Variants in HTR4 observed in about 807,000 individuals in gnomAD.
HTR4 encodes the protein 5-hydroxytryptamine receptor 4.
A neutral mutation model predicts 36.8 loss-of-function variants in HTR4; 16 were observed. The ratio of observed to expected loss-of-function variants is 0.43; its 90% CI spans 0.29 to 0.66. The LOEUF (loss-of-function observed/expected upper bound fraction) is 0.66. Ranked by LOEUF, HTR4 falls within the 30% of genes least tolerant of loss-of-function variation. HTR4 has a pLI of 0.13. For synonymous variants in HTR4, 189 were observed against 185.1 expected, an observed-to-expected ratio of 1.02 and a Z score of -0.17; for missense variants, 438 against 490.9, an observed-to-expected ratio of 0.89 and a Z score of 1.02.
chr5:148,557,428 A>C (rs1220357555), intron 2 of HTR4, among the ~76,000 whole-genome samples: 1 of 152,214 alleles, frequency 6.6e-6, no homozygotes, highest in African/African-American at 2.4e-5. Flanking sequence ...AAACACATTA[A>C]GTGTGAGATA....
Position 148,481,599 on chromosome 5 carries a change from A to C in HTR4, c.*1604T>G, listed in dbSNP as rs201254223. The stretch of plus-strand genomic sequence containing the variant: ...GGTCAATCTTCTCTTCCTTATTCCA[A>C]AGTTTCTTCCTGTCGGTTTCAGTTC... On this transcript the variant is annotated 3_prime_UTR_variant, in exon 7 of 7. Coordinates refer to ENST00000377888, the MANE Select transcript of HTR4 (RefSeq NM_000870.7). The C allele has an allele frequency of 1.3e-6, 2 of 1,515,816 alleles. No individual in the cohort carries two copies. The highest frequency in any genetic ancestry group is 1.8e-6 in the Non-Finnish European group (2 of 1,142,060). 93.9% of individuals were successfully genotyped at this position (1,515,816 alleles called of 1,614,324 possible).
chr5:148,583,651 T>C (rs202129697), intron 2 of HTR4, among the ~76,000 whole-genome samples: 112 of 127,964 alleles, frequency 8.8e-4, no homozygotes, highest in South Asian at 5.6e-3. Context: ...TCATCATCAT[T>C]ATTATCATCA....
rs1048489528 is a variant in HTR4 at position 148,517,610 on chromosome 5, C to A, written c.507+5583G>T. ...TGGGTCATGTTTGGCTTAGGTTTTC[C>A]TTTCACATTCCTCTTCTAATTTTTC... On this transcript the variant is annotated intron_variant, in intron 5 of 6. Coordinates refer to ENST00000377888, the MANE Select transcript of HTR4 (RefSeq NM_000870.7). Among the ~76,000 whole-genome samples the A allele has an allele frequency of 2.0e-5, 3 of 146,816 alleles. No homozygotes were observed. The South Asian group carries it at 6.5e-4, about 32-fold the overall frequency.
At chr5:148,544,436 T>C (rs1759283202) in intron 4 of HTR4, among the ~76,000 whole-genome samples, 1 of 152,208 alleles carries the variant, frequency 6.6e-6, no homozygotes, top group African/African-American at 2.4e-5. Context: ...AGTTGCTTTT[T>C]TTCCCCCAAC....
chr5:148,641,486 A>G (rs1264197753), intron 1 of HTR4, among the ~76,000 whole-genome samples: 4 of 152,106 alleles, frequency 2.6e-5, no homozygotes, highest in Non-Finnish European at 4.4e-5. Flanking sequence ...AGTTAAGCAA[A>G]CTCTTCTACC....
intron 5 of HTR4, chr5:148,462,084 G>A (rs987975392): frequency 6.6e-6 from 1 of 151,940 alleles, no homozygotes; most frequent in African/African-American, 2.4e-5. Flanking sequence ...TCTAAAATCA[G>A]TGATTTAAGT....
Position 148,609,398 on chromosome 5 carries a change from T to C in HTR4, c.26+27591A>G, listed in dbSNP as rs1168618726. Among the ~76,000 whole-genome samples the C allele has an allele frequency of 2.0e-5, 3 of 152,170 alleles. No individual in the cohort carries two copies. In the South Asian group the frequency reaches 6.2e-4, roughly 31 times the overall value. On this transcript the variant is annotated intron_variant, in intron 2 of 6. Coordinates refer to ENST00000377888, the MANE Select transcript of HTR4 (RefSeq NM_000870.7). ...GGCATTCTTCTTCTAATTCTGGTGA[T>C]CAAGGATATGAATTTTTGAATTTTC...
At chr5:148,605,667 T>C (rs1752132223) in intron 2 of HTR4, among the ~76,000 whole-genome samples, 1 of 152,058 alleles carries the variant, frequency 6.6e-6, no homozygotes, top group African/African-American at 2.4e-5. Flanking sequence ...GGACAAATTA[T>C]CTATGGCCCT....
At chr5:148,604,932 C>T (rs1752085353) in intron 2 of HTR4, among the ~76,000 whole-genome samples, 1 of 152,104 alleles carries the variant, frequency 6.6e-6, no homozygotes, top group Non-Finnish European at 1.5e-5. Context: ...GGTAGGAACA[C>T]AGTGGAGAAG....
Position 148,481,835 on chromosome 5 carries a change from G to T in HTR4, c.*1368C>A. The T allele has an allele frequency of 1.5e-6, 2 of 1,326,492 alleles. No individual in the cohort carries two copies. The highest frequency in any genetic ancestry group is 1.9e-6 in the Non-Finnish European group (2 of 1,044,572). 82.2% of individuals were successfully genotyped at this position (1,326,492 alleles called of 1,614,324 possible). A position where few individuals can be genotyped will look rare whatever the true frequency, so the allele number is the denominator to read the frequency against. On this transcript the variant is annotated 3_prime_UTR_variant, in exon 7 of 7. Transcript: ENST00000377888. ...GCCACTGACTCAGCTTTGAATAAAAGACATCCAGATTAATCTGAAGGACAA... is the reference window on the plus strand; with the variant it reads ...GCCACTGACTCAGCTTTGAATAAAATACATCCAGATTAATCTGAAGGACAA...
chr5:148,632,317 A>C (rs1335206711), intron 2 of HTR4, among the ~76,000 whole-genome samples: 1 of 152,188 alleles, frequency 6.6e-6, no homozygotes, highest in Non-Finnish European at 1.5e-5. Context: ...GCTACCATTT[A>C]TATGATTCAT....
At chr5:148,633,289 T>C (rs1227031308) in intron 2 of HTR4, among the ~76,000 whole-genome samples, 1 of 152,222 alleles carries the variant, frequency 6.6e-6, no homozygotes, top group Non-Finnish European at 1.5e-5. Flanking sequence ...GCTTCTCATA[T>C]TGCTAAAATC....
chr5:148,480,985 T>C (rs569708664), downstream of HTR4, among the ~76,000 whole-genome samples: 2 of 152,234 alleles, frequency 1.3e-5, no homozygotes, highest in Non-Finnish European at 2.9e-5. Flanking sequence ...CTCTGAGGTC[T>C]GAGACATTCA....
chr5:148,513,360 A>G (rs555302292), intron 5 of HTR4, among the ~76,000 whole-genome samples: 81 of 152,304 alleles, frequency 5.3e-4, no homozygotes, highest in African/African-American at 1.9e-3. Context: ...CAAGATATGG[A>G]TATTGAATTG....
intron 2 of HTR4, among the ~76,000 whole-genome samples, chr5:148,588,527 CT>C (rs35749777): frequency 0.3 from 32,968 of 108,282 alleles, 4,221 homozygotes; most frequent in South Asian, 0.35. Context: ...GGTTTTAATT[CT>C]TTTTTTTTTT....
rs556803679 is a variant in HTR4 at position 148,458,126 on chromosome 5, T to A, written c.1077-6854A>T. Among the ~76,000 whole-genome samples, 443 of 136,652 alleles carry A rather than the reference T, an allele frequency of 3.2e-3. 6 individuals carry two copies. Among genetic ancestry groups the A allele is most frequent in the Middle Eastern group, 9.5e-3 (2 of 210 alleles). 89.6% of individuals were successfully genotyped at this position (136,652 alleles called of 152,430 possible). ...TATCTATTAAATAGATCTTAAAATA[T>A]AATATATTTTAATATCTATTTAATA... On this transcript the variant is annotated intron_variant, in intron 5 of 5. Coordinates refer to the HTR4 transcript ENST00000521530.
At chr5:148,558,106 C>G (rs1309035412) in intron 2 of HTR4, among the ~76,000 whole-genome samples, 3 of 151,812 alleles carry the variant, frequency 2.0e-5, no homozygotes, top group African/African-American at 7.3e-5. Flanking sequence ...CCTTCCTGCC[C>G]AGCCCTGCAC....
chr5:148,627,680 T>C lies in HTR4; in HGVS notation c.26+9309A>G, dbSNP rs140513796. Reference sequence around the variant, plus strand: ...GAAAAAAGATTCTTCTTACATTCTTTAAAAATGCAAATAAGAACATTGCCT... The same window carrying C: ...GAAAAAAGATTCTTCTTACATTCTTCAAAAATGCAAATAAGAACATTGCCT... On this transcript the variant is annotated intron_variant, in intron 2 of 6. Transcript: ENST00000377888. Among the ~76,000 whole-genome samples, 32 of 152,334 alleles carry C rather than the reference T, an allele frequency of 2.1e-4. No individual in the cohort carries two copies. In the East Asian group the frequency reaches 5.4e-3, roughly 26 times the overall value.
At chr5:148,650,734 C>A (rs975610675) in intron 1 of HTR4, among the ~76,000 whole-genome samples, 2 of 152,166 alleles carry the variant, frequency 1.3e-5, no homozygotes, top group South Asian at 2.1e-4. Flanking sequence ...CTGCCACCAC[C>A]CCTTTCACTC....
Sources: gnomAD v4.1 joint callset for allele counts (sites outside exome capture counted in the v4.1 genomes callset) on GRCh38, gnomAD v4.1.1 for gene constraint, MANE v1.5 for transcripts, NCBI Gene and HGNC (gene_info 2026-07-23, HGNC 2026-07-21) for gene names.